Variants in LARP1 observed in about 807,000 individuals in gnomAD.
LARP1 encodes the protein La ribonucleoprotein 1, translational regulator, also known as la-related protein 1.
LARP1 carries 36 observed loss-of-function variants against 122.7 expected under a neutral mutation model. That is an observed-to-expected ratio of 0.29 (90% CI 0.22 to 0.39). LARP1 has a LOEUF of 0.39. LARP1 is among the 10% of genes least tolerant of loss of function. LARP1 has a pLI of 1.00. For missense variants in LARP1, 1,040 were observed against 1,403.6 expected (o/e 0.74, Z 4.14); for synonymous variants, 539 against 528.7 (o/e 1.02, Z -0.27).
upstream of LARP1, among the ~76,000 whole-genome samples, chr5:154,753,009 G>A (rs1753585448): frequency 6.6e-6 from 1 of 151,922 alleles, no homozygotes; most frequent in Admixed American, 6.6e-5. Flanking sequence ...GGGCAGAGCA[G>A]GCCCAGGGTA....
chr5:154,811,238 G>A lies in LARP1; in HGVS notation c.2844-9G>A. 1.9e-6 allele frequency: 3 copies of A among 1,609,856 alleles called. No homozygotes were observed. Among genetic ancestry groups the A allele is most frequent in the Non-Finnish European group, 1.7e-6 (2 of 1,176,192 alleles). ...AACTGCCCTGATTTCACTGACTTGTGTTCTACAGATATGGTTTGGAGTGCC... is the reference window on the plus strand; with the variant it reads ...AACTGCCCTGATTTCACTGACTTGTATTCTACAGATATGGTTTGGAGTGCC... On this transcript the variant is annotated splice_polypyrimidine_tract_variant and intron_variant, in intron 16 of 18. Coordinates refer to ENST00000518297, the MANE Select transcript of LARP1 (RefSeq NM_033551.3).
intron 1 of LARP1, among the ~76,000 whole-genome samples, chr5:154,684,401 A>C (rs946142696): frequency 6.6e-6 from 1 of 151,952 alleles, no homozygotes; most frequent in Non-Finnish European, 1.5e-5. Context: ...GTGCCCCTAT[A>C]CTCTAGCCTG....
At position 154,814,235 on chromosome 5, in the gene LARP1, A is replaced by G. The variant is rs1472648419; in HGVS notation, c.*139A>G. 2 of 819,042 alleles carry G rather than the reference A, an allele frequency of 2.4e-6. No individual in the cohort carries two copies. The highest frequency in any genetic ancestry group is 2.4e-5 in the Admixed American group (1 of 41,128). 50.7% of individuals were successfully genotyped at this position (819,042 alleles called of 1,614,324 possible). On this transcript the variant is annotated 3_prime_UTR_variant, in exon 19 of 19. Coordinates refer to ENST00000518297, the MANE Select transcript of LARP1 (RefSeq NM_033551.3). ...GGACAGGCCTTTGTGCTGAGTAGCAATGTATACACCATTTGGGCTATCAGA... is the reference window on the plus strand; with the variant it reads ...GGACAGGCCTTTGTGCTGAGTAGCAGTGTATACACCATTTGGGCTATCAGA...
At chr5:154,711,568 G>A (rs1021486501), upstream of LARP1, among the ~76,000 whole-genome samples, 3 of 152,278 alleles carry the variant, frequency 2.0e-5, no homozygotes, top group African/African-American at 7.2e-5. Flanking sequence ...ACCCAAGTAT[G>A]CTGGTCACCC....
chr5:154,762,579 G>T (rs953937051), intron 1 of LARP1, among the ~76,000 whole-genome samples: 7 of 152,146 alleles, frequency 4.6e-5, no homozygotes, highest in Non-Finnish European at 8.8e-5. Context: ...CTAGGTGTGG[G>T]GAGGGGAGGA....
At chr5:154,788,052 C>T (rs1757028954) in intron 1 of LARP1, among the ~76,000 whole-genome samples, 1 of 152,336 alleles carries the variant, frequency 6.6e-6, no homozygotes, top group African/African-American at 2.4e-5. Context: ...TACACAGGCC[C>T]TTTGGCCTGC....
At chr5:154,738,901 A>G (rs1211390562) in intron 1 of LARP1, among the ~76,000 whole-genome samples, 2 of 152,244 alleles carry the variant, frequency 1.3e-5, no homozygotes, top group Admixed American at 6.5e-5. Flanking sequence ...CAGCCTGGAC[A>G]AGAAAGAAAG....
chr5:154,751,751 GTTGT>G (rs1228876090), upstream of LARP1, among the ~76,000 whole-genome samples: 4 of 152,158 alleles, frequency 2.6e-5, no homozygotes, highest in Non-Finnish European at 4.4e-5. Flanking sequence ...ATTATTTATT[GTTGT>G]TTATCTCTTA....
chr5:154,731,632 G>A (rs965796776), intron 1 of LARP1, among the ~76,000 whole-genome samples: 3 of 152,148 alleles, frequency 2.0e-5, no homozygotes, highest in African/African-American at 7.2e-5. Context: ...AAGCTGGATT[G>A]CTGTCTCCAT....
In LARP1 at chr5:154,805,939, T is replaced by C; in HGVS notation, c.2605T>C (p.Leu869=). The change falls in exon 15 of 19, where the codon TTG becomes CTG. Residue 869 remains leucine (L), a synonymous_variant. Coordinates refer to ENST00000518297, the MANE Select transcript of LARP1 (RefSeq NM_033551.3). ...CAGCTATGGCTGTACCCCTCAGTCA[T>C]TGCCCAAGTTCCAGCATCCTTCCCA... ...VGSYGCTPQS[L]PKFQHPSHEL... is the part of the protein sequence containing the mutation. The C allele has an allele frequency of 6.2e-7, 1 of 1,614,174 alleles. No individual in the cohort carries two copies. The highest frequency in any genetic ancestry group is 8.5e-7 in the Non-Finnish European group (1 of 1,180,026).
At chr5:154,751,706 T>G (rs1423672236), upstream of LARP1, among the ~76,000 whole-genome samples, 1 of 152,202 alleles carries the variant, frequency 6.6e-6, no homozygotes, top group Admixed American at 6.5e-5. Context: ...TCACATAAAT[T>G]TTATTACTGT....
rs11399407 is a variant in LARP1, at chr5:154,697,202, C to CTT, written c.-180+14179_-180+14180dup. Among the ~76,000 whole-genome samples the CTT allele has an allele frequency of 3.1e-3, 435 of 141,558 alleles. 2 individuals carry two copies. The highest frequency in any genetic ancestry group is 4.5e-3 in the Non-Finnish European group (296 of 65,518). 92.9% of individuals were successfully genotyped at this position (141,558 alleles called of 152,430 possible). A position where few individuals can be genotyped will look rare whatever the true frequency, so the allele number is the denominator to read the frequency against. The stretch of plus-strand genomic sequence containing the variant: ...GTGAGGGAGGTATGTAGCTTTTTAT[C>CTT]TTTTTTTTTTTTTTTCTTCTCTTTG... On this transcript the variant is annotated intron_variant, in intron 1 of 18. Coordinates refer to the LARP1 transcript ENST00000687700.
intron 1 of LARP1, among the ~76,000 whole-genome samples, chr5:154,763,938 T>G (rs60906140): frequency 0.052 from 7,845 of 150,602 alleles, 354 homozygotes; most frequent in African/African-American, 0.13. Context: ...CACTTGAGCC[T>G]TGGGAGGTAA....
chr5:154,787,546 G>A (rs577644803), intron 1 of LARP1, among the ~76,000 whole-genome samples: 8 of 152,300 alleles, frequency 5.3e-5, no homozygotes, highest in Admixed American at 4.6e-4. Context: ...GCTCATCTGA[G>A]CCATTCTGGG....
chr5:154,789,482 A>G (rs910350126), intron 1 of LARP1, among the ~76,000 whole-genome samples: 2 of 152,020 alleles, frequency 1.3e-5, no homozygotes, highest in Non-Finnish European at 1.5e-5. Context: ...TGGCCCCCCA[A>G]AGTGCTGGGA....
intron 16 of LARP1, among the ~76,000 whole-genome samples, chr5:154,811,011 G>GA (rs1759225670): frequency 6.6e-6 from 1 of 152,188 alleles, no homozygotes; most frequent in Admixed American, 6.5e-5. Context: ...CTTCATAAAA[G>GA]AATAGGAGTA....
intron 1 of LARP1, among the ~76,000 whole-genome samples, chr5:154,695,434 A>T (rs1176608742): frequency 1.3e-5 from 2 of 151,950 alleles, no homozygotes; most frequent in Non-Finnish European, 2.9e-5. Context: ...CGAGGCGGGC[A>T]GATCACGAGG....
rs752168020 is a variant in LARP1 at position 154,805,998 on chromosome 5, C to T, written c.2664C>T (p.His888=). ...ELLKENGFTQ[H]VYHKYRRRCL... Reference sequence around the variant, plus strand: ...TCAAGGAAAATGGCTTCACACAACACGTCTACCATAAGTATCGTAGGCGCT... The same window carrying T: ...TCAAGGAAAATGGCTTCACACAACATGTCTACCATAAGTATCGTAGGCGCT... The change falls in exon 15 of 19, where the codon CAC becomes CAT. Residue 888 remains histidine (H), a synonymous_variant. Transcript: ENST00000518297. 1.5e-5 allele frequency: 25 copies of T among 1,614,036 alleles called. No individual in the cohort carries two copies. The Admixed American group carries it at 2.3e-4, about 15-fold the overall frequency.
At chr5:154,714,277 A>T (rs890069989) in intron 1 of LARP1, among the ~76,000 whole-genome samples, 1 of 152,218 alleles carries the variant, frequency 6.6e-6, no homozygotes, top group African/African-American at 2.4e-5. Context: ...TATTTTCTCC[A>T]ATCACTGTGT....
Sources: gnomAD v4.1 joint callset for allele counts (sites outside exome capture counted in the v4.1 genomes callset) on GRCh38, gnomAD v4.1.1 for gene constraint, MANE v1.5 for transcripts, NCBI Gene and HGNC (gene_info 2026-07-23, HGNC 2026-07-21) for gene names.